Variants in LDLRAD3 observed in about 807,000 individuals in gnomAD.
The protein encoded by LDLRAD3 is low density lipoprotein receptor class A domain containing 3.
A neutral mutation model predicts 29.4 loss-of-function variants in LDLRAD3; 20 were observed. The ratio of observed to expected loss-of-function variants is 0.68; its 90% confidence interval spans 0.48 to 0.99. LDLRAD3 has a LOEUF of 0.99. LDLRAD3 is among the 50% of genes least tolerant of loss of function. LDLRAD3 has a pLI of 0.00. For missense variants in LDLRAD3, 420 were observed against 454.3 expected, an observed-to-expected ratio of 0.92 and a Z score of 0.69; for synonymous variants, 157 against 192.7, an observed-to-expected ratio of 0.81 and a Z score of 1.53.
At chr11:35,969,936 A>G (rs7103190) in intron 1 of LDLRAD3, among the ~76,000 whole-genome samples, 4,060 of 152,240 alleles carry the variant, frequency 0.027, 96 homozygotes, top group Middle Eastern at 0.075. Context: ...AGCCATGAGG[A>G]TACCGGCTTA....
At chr11:36,175,836 G>T (rs1017500612) in intron 4 of LDLRAD3, among the ~76,000 whole-genome samples, 1 of 152,106 alleles carries the variant, frequency 6.6e-6, no homozygotes, top group South Asian at 2.1e-4. Flanking sequence ...TTGCTCTAGG[G>T]TATAGTTTAA....
At chr11:36,229,034 A>G in intron 5 of LDLRAD3, 126 bp from the exon 6 acceptor site, 1 of 719,568 alleles carries the variant, frequency 1.4e-6, no homozygotes, top group Non-Finnish European at 2.5e-6. Context: ...ACTTGGAGGG[A>G]AAAATCTCAT....
intron 4 of LDLRAD3, among the ~76,000 whole-genome samples, chr11:36,220,472 A>G (rs1006193165): frequency 3.9e-5 from 6 of 152,240 alleles, no homozygotes; most frequent in African/African-American, 1.2e-4. Context: ...AATACTACTC[A>G]GGGACAAAAA....
chr11:36,157,183 G>T (rs1158085189), intron 4 of LDLRAD3, among the ~76,000 whole-genome samples: 1 of 152,206 alleles, frequency 6.6e-6, no homozygotes, highest in Non-Finnish European at 1.5e-5. Flanking sequence ...GGCTGATGGG[G>T]TCTCCAGATT....
rs538745151 is a variant in LDLRAD3 at position 36,079,210 on chromosome 11, C to T, written c.194-2443C>T. ...CCATCAGTACTATAGATACTCTTTT[C>T]TACTTTACTTTTTTGACTTATCAGT... On this transcript the variant is annotated intron_variant, in intron 2 of 5. Coordinates refer to ENST00000315571, the MANE Select transcript of LDLRAD3 (RefSeq NM_174902.4). Among the ~76,000 whole-genome samples, 3 of 152,364 alleles carry T rather than the reference C, an allele frequency of 2.0e-5. No homozygotes were observed. In the South Asian group the frequency reaches 6.2e-4, roughly 32 times the overall value.
intron 4 of LDLRAD3, among the ~76,000 whole-genome samples, chr11:36,107,677 C>A (rs1388471921): frequency 1.3e-5 from 2 of 152,134 alleles, no homozygotes; most frequent in Non-Finnish European, 1.5e-5. Context: ...CAGTAACATG[C>A]CGTACAGGTT....
intron 4 of LDLRAD3, among the ~76,000 whole-genome samples, chr11:36,133,369 T>C (rs200412104): frequency 1.6e-3 from 13 of 8,012 alleles, no homozygotes; most frequent in African/African-American, 3.3e-3. Flanking sequence ...TTTTCTTTTC[T>C]TTTCTTTTCT....
At chr11:36,170,926 C>T (rs367602019) in intron 4 of LDLRAD3, among the ~76,000 whole-genome samples, 26 of 151,920 alleles carry the variant, frequency 1.7e-4, no homozygotes, top group East Asian at 1.5e-3. Flanking sequence ...GTCAGCCTCC[C>T]GAGTAGGTGG....
At chr11:36,090,863 C>A (rs1853270127) in intron 3 of LDLRAD3, among the ~76,000 whole-genome samples, 1 of 152,104 alleles carries the variant, frequency 6.6e-6, no homozygotes, top group African/African-American at 2.4e-5. Flanking sequence ...GGCTGGGGGA[C>A]CTGGTAGCCT....
At chr11:36,171,837 TG>T (rs1230738812) in intron 4 of LDLRAD3, among the ~76,000 whole-genome samples, 2 of 152,202 alleles carry the variant, frequency 1.3e-5, no homozygotes, top group African/African-American at 2.4e-5. Context: ...AATTTAGGAT[TG>T]TTTTTTCTAG....
rs145711672 is a variant in LDLRAD3, at chr11:36,066,822, A to G, written c.194-14831A>G. ...GATGAGGAGATTTCCTTGACTTTCA[A>G]TAGCCTCATGATATCTTTGTGAGTT... On this transcript the variant is annotated intron_variant, in intron 2 of 5. Transcript: ENST00000315571. 1.9e-3 allele frequency among the ~76,000 whole-genome samples: 293 copies of G among 152,280 alleles called. 2 individuals are homozygous for G. The highest frequency in any genetic ancestry group is 6.5e-3 in the African/African-American group (272 of 41,562).
chr11:36,133,547 CT>C (rs67935336), intron 4 of LDLRAD3, among the ~76,000 whole-genome samples: 2,354 of 119,840 alleles, frequency 0.02, 42 homozygotes, highest in South Asian at 0.07. Flanking sequence ...TTTTTCTTTT[CT>C]TTTTTTTTTT....
At chr11:36,086,307 G>A (rs1853194970) in intron 3 of LDLRAD3, among the ~76,000 whole-genome samples, 1 of 152,096 alleles carries the variant, frequency 6.6e-6, no homozygotes, top group South Asian at 2.1e-4. Flanking sequence ...TTCTTAATAT[G>A]ACAAGAAATT....
At chr11:36,074,732 T>C (rs1204151111) in intron 2 of LDLRAD3, among the ~76,000 whole-genome samples, 1 of 152,104 alleles carries the variant, frequency 6.6e-6, no homozygotes, top group African/African-American at 2.4e-5. Flanking sequence ...CAAAAGGTGA[T>C]CAGAACCAGA....
At chr11:36,073,771 C>G (rs1361006866) in intron 2 of LDLRAD3, among the ~76,000 whole-genome samples, 1 of 152,244 alleles carries the variant, frequency 6.6e-6, no homozygotes, top group East Asian at 1.9e-4. Context: ...GGCCAAAGAG[C>G]TGGTTAATTG....
chr11:36,009,842 A>G (rs1851932936), intron 1 of LDLRAD3, among the ~76,000 whole-genome samples: 1 of 151,882 alleles, frequency 6.6e-6, no homozygotes, highest in African/African-American at 2.4e-5. Context: ...TATTTTTCTT[A>G]CGAAGAAGTT....
intron 2 of LDLRAD3, among the ~76,000 whole-genome samples, chr11:36,062,904 AC>A (rs1852726290): frequency 6.6e-6 from 1 of 152,198 alleles, no homozygotes; most frequent in Non-Finnish European, 1.5e-5. Context: ...AGGGACTAAT[AC>A]GTTGACCCAC....
At chr11:36,110,296 A>T (rs530257778) in intron 4 of LDLRAD3, among the ~76,000 whole-genome samples, 2 of 152,052 alleles carry the variant, frequency 1.3e-5, no homozygotes, top group East Asian at 3.9e-4. Flanking sequence ...AGTCTCCCCC[A>T]TTTCTTTCAG....
intron 2 of LDLRAD3, among the ~76,000 whole-genome samples, chr11:36,061,877 A>C (rs1372367052): frequency 6.6e-6 from 1 of 152,218 alleles, no homozygotes; most frequent in Non-Finnish European, 1.5e-5. Context: ...TTATTAGCTC[A>C]TAAAATTGCC....
Sources: gnomAD v4.1 joint callset for allele counts (sites outside exome capture counted in the v4.1 genomes callset) on GRCh38, gnomAD v4.1.1 for gene constraint, MANE v1.5 for transcripts, NCBI Gene and HGNC (gene_info 2026-07-23, HGNC 2026-07-21) for gene names.